Variants in DEPTOR observed in about 807,000 individuals in gnomAD.
DEPTOR encodes the protein DEP domain-containing mTOR-interacting protein.
DEPTOR carries 41 observed loss-of-function variants against 41.6 expected under a neutral mutation model. That is an observed-to-expected ratio of 0.98 (90% CI 0.77 to 1.28). The LOEUF (loss-of-function observed/expected upper bound fraction) is 1.28, where lower values mean the gene tolerates loss of function less well. DEPTOR is among the 50% of genes most tolerant of loss of function. The pLI, the probability that DEPTOR is intolerant of heterozygous loss-of-function variation, is 0.00. For synonymous variants in DEPTOR, 195 were observed against 192.3 expected, an observed-to-expected ratio of 1.01 and a Z score of -0.12; for missense variants, 514 against 527.9, an observed-to-expected ratio of 0.97 and a Z score of 0.26.
intron 1 of DEPTOR, among the ~76,000 whole-genome samples, chr8:119,875,539 A>G (rs1192741033): frequency 6.6e-6 from 1 of 152,190 alleles, no homozygotes; most frequent in Non-Finnish European, 1.5e-5. Flanking sequence ...TAAGGTGAGA[A>G]GCAGAGGGGT....
At chr8:120,024,511 G>T (rs569114352) in intron 8 of DEPTOR, among the ~76,000 whole-genome samples, 2 of 152,168 alleles carry the variant, frequency 1.3e-5, no homozygotes, top group Non-Finnish European at 2.9e-5. Flanking sequence ...GGTCATAAGG[G>T]TGGGCCTAAT....
chr8:120,045,376 C>A (rs146621876), intron 8 of DEPTOR, among the ~76,000 whole-genome samples: 1 of 151,970 alleles, frequency 6.6e-6, no homozygotes, highest in Admixed American at 6.6e-5. Context: ...TATTTTTTAT[C>A]TTTTATGTTT....
intron 3 of DEPTOR, among the ~76,000 whole-genome samples, chr8:119,930,270 A>G (rs111429250): frequency 0.022 from 3,403 of 151,684 alleles, 134 homozygotes; most frequent in African/African-American, 0.078. Context: ...ACTGAGTCTC[A>G]CTCTTGCCCA....
intron 8 of DEPTOR, among the ~76,000 whole-genome samples, chr8:120,011,628 GA>G (rs1335414126): frequency 2.6e-5 from 4 of 152,142 alleles, no homozygotes; most frequent in Admixed American, 1.3e-4. Flanking sequence ...GGAAAGCAAT[GA>G]ATTTATTTAC....
intron 4 of DEPTOR, among the ~76,000 whole-genome samples, chr8:119,994,000 T>A (rs988082077): frequency 1.3e-5 from 2 of 151,854 alleles, no homozygotes; most frequent in Admixed American, 6.6e-5. Flanking sequence ...CTACTAAAAA[T>A]ACAAAATTAG....
chr8:120,006,931 C>G, intron 7 of DEPTOR, 56 bp downstream of exon 7: 3 of 1,532,762 alleles, frequency 2.0e-6, no homozygotes, highest in Middle Eastern at 1.7e-4. Context: ...TGCACCGTGT[C>G]CATGTGTCAA....
chr8:120,001,995 A>C (rs931038975), intron 5 of DEPTOR, among the ~76,000 whole-genome samples: 1 of 152,142 alleles, frequency 6.6e-6, no homozygotes, highest in Non-Finnish European at 1.5e-5. Flanking sequence ...CTTGCCTGGC[A>C]TGGTGGCACA....
At chr8:120,037,643 C>T (rs1812998714) in intron 8 of DEPTOR, among the ~76,000 whole-genome samples, 1 of 152,116 alleles carries the variant, frequency 6.6e-6, no homozygotes, top group Admixed American at 6.6e-5. Flanking sequence ...TTATTACGTC[C>T]TAATGTCACT....
chr8:119,935,999 G>GT (rs67211224), intron 3 of DEPTOR, among the ~76,000 whole-genome samples: 39,423 of 123,766 alleles, frequency 0.32, 6,851 homozygotes, highest in Middle Eastern at 0.45. Flanking sequence ...TAGTCTAGTT[G>GT]TTTTTTTTTT....
At chr8:119,967,363 AGCCACCATGCCCGG>A in intron 4 of DEPTOR, among the ~76,000 whole-genome samples, 1 of 151,490 alleles carries the variant, frequency 6.6e-6, no homozygotes, top group Non-Finnish European at 1.5e-5. Context: ...TACAAGTGTG[AGCCACCATGCCCGG>A]CTTGGAATGG....
At chr8:119,947,445 A>C (rs1828294468) in intron 3 of DEPTOR, among the ~76,000 whole-genome samples, 1 of 152,192 alleles carries the variant, frequency 6.6e-6, no homozygotes, top group Admixed American at 6.5e-5. Context: ...ATCTGCCTGC[A>C]CACCAGTGGC....
At chr8:119,934,773 G>A (rs1490013184) in intron 3 of DEPTOR, among the ~76,000 whole-genome samples, 1 of 152,196 alleles carries the variant, frequency 6.6e-6, no homozygotes, top group Non-Finnish European at 1.5e-5. Context: ...CAGCCCAGGA[G>A]CCCAGCTACC....
intron 3 of DEPTOR, among the ~76,000 whole-genome samples, chr8:119,949,021 G>A (rs1828318498): frequency 6.6e-6 from 1 of 152,166 alleles, no homozygotes; most frequent in African/African-American, 2.4e-5. Context: ...CCTGACCTCA[G>A]GTGATCCACC....
At chr8:119,976,599 A>C (rs973184128) in intron 4 of DEPTOR, among the ~76,000 whole-genome samples, 1 of 152,200 alleles carries the variant, frequency 6.6e-6, no homozygotes, top group African/African-American at 2.4e-5. Flanking sequence ...CTACCTGAAG[A>C]AGAGAAACTG....
intron 8 of DEPTOR, among the ~76,000 whole-genome samples, chr8:120,019,410 ATC>A (rs1812661954): frequency 6.6e-6 from 1 of 152,220 alleles, no homozygotes. Flanking sequence ...CACAGAACAC[ATC>A]TCTCCCTCCA....
intron 4 of DEPTOR, among the ~76,000 whole-genome samples, chr8:119,975,177 T>C (rs1246920022): frequency 6.6e-6 from 1 of 152,060 alleles, no homozygotes; most frequent in Admixed American, 6.6e-5. Flanking sequence ...AAAAGGACAT[T>C]TCCTTTACAG....
chr8:119,933,063 C>T (rs1400994164), intron 3 of DEPTOR, among the ~76,000 whole-genome samples: 1 of 151,936 alleles, frequency 6.6e-6, no homozygotes, highest in Non-Finnish European at 1.5e-5. Context: ...AATGGGAGGC[C>T]GTTGGAGAGG....
intron 3 of DEPTOR, among the ~76,000 whole-genome samples, chr8:119,951,070 C>G (rs201916137): frequency 8.9e-6 from 1 of 112,558 alleles, no homozygotes; most frequent in Non-Finnish European, 2.0e-5. Context: ...TACACACACA[C>G]AAACACACAC....
At chr8:119,894,561 T>A (rs1827491916) in intron 1 of DEPTOR, among the ~76,000 whole-genome samples, 1 of 151,982 alleles carries the variant, frequency 6.6e-6, no homozygotes, top group South Asian at 2.1e-4. Flanking sequence ...TATGCCCGGC[T>A]AATTTTTTGT....
Sources: allele counts gnomAD v4.1 joint callset (sites outside exome capture counted in the v4.1 genomes callset), GRCh38; gene constraint gnomAD v4.1.1; transcripts MANE v1.5; gene names NCBI Gene and HGNC (gene_info 2026-07-23, HGNC 2026-07-21).